PDE4D: variants seen among roughly 807,000 people sequenced by gnomAD.
PDE4D encodes phosphodiesterase 4D, also known as 3',5'-cyclic-AMP phosphodiesterase 4D.
A neutral mutation model predicts 87.4 loss-of-function variants in PDE4D; 24 were observed. That is an observed-to-expected ratio of 0.27 (90% CI 0.20 to 0.39). The LOEUF is 0.39. PDE4D is among the 10% of genes least tolerant of loss of function. PDE4D has a pLI of 1.00. For synonymous variants in PDE4D, 384 were observed against 383.2 expected (o/e 1.00, Z -0.02); for missense variants, 714 against 1,041.0 (o/e 0.69, Z 4.32).
chr5:60,010,732 C>T (rs1372292084), intron 2 of PDE4D, among the ~76,000 whole-genome samples: 1 of 152,132 alleles, frequency 6.6e-6, no homozygotes, highest in East Asian at 1.9e-4. Context: ...CATAGGATAG[C>T]TATCTAATGT....
chr5:60,507,832 A>G (rs1308108377), intron 1 of PDE4D, among the ~76,000 whole-genome samples: 1 of 152,232 alleles, frequency 6.6e-6, no homozygotes, highest in East Asian at 1.9e-4. Flanking sequence ...TTCCTTCTAT[A>G]AAAATATTCA....
intron 2 of PDE4D, among the ~76,000 whole-genome samples, chr5:60,116,169 C>T (rs901685215): frequency 1.3e-4 from 19 of 151,970 alleles, no homozygotes; most frequent in Non-Finnish European, 2.1e-4. Context: ...GGAGGGCAAA[C>T]GATGGATTAT....
chr5:60,270,992 T>C (rs1039425437), intron 1 of PDE4D, among the ~76,000 whole-genome samples: 2 of 152,198 alleles, frequency 1.3e-5, no homozygotes, highest in African/African-American at 2.4e-5. Flanking sequence ...AAGATGCAGA[T>C]AGTGGCCATC....
At chr5:59,771,969 A>G (rs897589577) in intron 1 of PDE4D, among the ~76,000 whole-genome samples, 2 of 152,166 alleles carry the variant, frequency 1.3e-5, no homozygotes, top group African/African-American at 2.4e-5. Flanking sequence ...TATTGATTCA[A>G]TTTCCTAATG....
chr5:59,419,803 C>T (rs978365319), intron 1 of PDE4D, among the ~76,000 whole-genome samples: 7 of 152,136 alleles, frequency 4.6e-5, no homozygotes, highest in African/African-American at 7.2e-5. Flanking sequence ...GGTAGAGTAA[C>T]ACAAACTTCA....
chr5:60,084,274 C>A (rs978546840), intron 2 of PDE4D, among the ~76,000 whole-genome samples: 32 of 152,168 alleles, frequency 2.1e-4, no homozygotes, highest in Admixed American at 2.1e-3. Context: ...GATACCATTT[C>A]TTTTATAATT....
intron 2 of PDE4D, among the ~76,000 whole-genome samples, chr5:60,029,523 C>T (rs1206604202): frequency 6.6e-6 from 1 of 152,130 alleles, no homozygotes; most frequent in Non-Finnish European, 1.5e-5. Flanking sequence ...TCTCATGTCT[C>T]TCTAAAATGT....
Position 60,124,449 on chromosome 5 carries a change from C to T in PDE4D, c.42+61108G>A, listed in dbSNP as rs371452149. On this transcript the variant is annotated intron_variant, in intron 2 of 16. Coordinates refer to the PDE4D transcript ENST00000502484. ...CTCTATCCTCACACTCAGTTGATAG[C>T]CTATTTCTTTGAAAAAAATAATAGC... 7.9e-5 allele frequency among the ~76,000 whole-genome samples: 10 copies of T among 127,316 alleles called. No homozygotes were observed. In the East Asian group the frequency reaches 1.9e-3, roughly 25 times the overall value. The allele number at this position is 127,316 out of a possible 152,430, so 83.5% of individuals were successfully genotyped here. A position where few individuals can be genotyped will look rare whatever the true frequency, so the allele number is the denominator to read the frequency against.
At chr5:59,794,114 T>A (rs573088244) in intron 1 of PDE4D, among the ~76,000 whole-genome samples, 1 of 138,232 alleles carries the variant, frequency 7.2e-6, no homozygotes, top group East Asian at 2.2e-4. Flanking sequence ...CATGGACAGA[T>A]ACACAGACAC....
intron 1 of PDE4D, among the ~76,000 whole-genome samples, chr5:59,321,135 T>A (rs889630448): frequency 5.3e-5 from 8 of 152,138 alleles, no homozygotes; most frequent in African/African-American, 1.9e-4. Context: ...TTATTGTGCT[T>A]CTATTGAGTT....
intron 1 of PDE4D, among the ~76,000 whole-genome samples, chr5:60,519,816 C>T (rs927640816): frequency 2.6e-5 from 4 of 152,076 alleles, no homozygotes; most frequent in South Asian, 2.1e-4. Context: ...ACTTTTAATA[C>T]GTCAAAGGTA....
At chr5:59,149,711 T>TTTTTTTTTA (rs1779195934) in intron 5 of PDE4D, among the ~76,000 whole-genome samples, 1 of 137,058 alleles carries the variant, frequency 7.3e-6, no homozygotes, top group Non-Finnish European at 1.6e-5. Context: ...CTCGAGTTTT[T>TTTTTTTTTA]TTTTTTTTTT....
At chr5:59,012,128 G>A (rs1350340954) in intron 6 of PDE4D, among the ~76,000 whole-genome samples, 3 of 152,160 alleles carry the variant, frequency 2.0e-5, no homozygotes. Flanking sequence ...CACCAGGCCT[G>A]CCTTACAAGA....
intron 1 of PDE4D, among the ~76,000 whole-genome samples, chr5:59,666,089 T>C (rs1746033404): frequency 6.6e-6 from 1 of 152,120 alleles, no homozygotes; most frequent in Non-Finnish European, 1.5e-5. Flanking sequence ...GACTCCCGAG[T>C]AGCTGGGACT....
intron 1 of PDE4D, among the ~76,000 whole-genome samples, chr5:59,471,190 A>C (rs1802387775): frequency 1.3e-5 from 2 of 152,182 alleles, no homozygotes; most frequent in Non-Finnish European, 2.9e-5. Context: ...GGCTACAGTG[A>C]GCCATGATCC....
intron 1 of PDE4D, chr5:60,262,474 T>C (rs1423502905): frequency 1.3e-5 from 2 of 152,164 alleles, no homozygotes; most frequent in Admixed American, 1.3e-4. Context: ...TGGTAGTTCC[T>C]CACATGTCAG....
At chr5:60,519,636 C>T (rs960792012) in intron 1 of PDE4D, among the ~76,000 whole-genome samples, 1 of 152,170 alleles carries the variant, frequency 6.6e-6, no homozygotes, top group Non-Finnish European at 1.5e-5. Context: ...TTTCCAAAAG[C>T]CAAACTTAGA....
chr5:60,056,807 A>G (rs1215046313), intron 2 of PDE4D, among the ~76,000 whole-genome samples: 2 of 152,008 alleles, frequency 1.3e-5, no homozygotes, highest in Non-Finnish European at 2.9e-5. Flanking sequence ...CATAAAAGCC[A>G]GCACGTGCAC....
At chr5:59,579,826 C>T (rs1433026518) in intron 1 of PDE4D, among the ~76,000 whole-genome samples, 1 of 152,162 alleles carries the variant, frequency 6.6e-6, no homozygotes, top group African/African-American at 2.4e-5. Flanking sequence ...TGACACCTTT[C>T]CTAATATATC....
Sources: allele counts gnomAD v4.1 joint callset (sites outside exome capture counted in the v4.1 genomes callset), GRCh38; gene constraint gnomAD v4.1.1; transcripts MANE v1.5; gene names NCBI Gene and HGNC (gene_info 2026-07-23, HGNC 2026-07-21).